Variants in ZFAND6 observed in about 807,000 individuals in gnomAD.
ZFAND6 encodes zinc finger AN1-type containing 6.
ZFAND6 carries 12 observed loss-of-function variants against 24.5 expected under a neutral mutation model. The observed-to-expected ratio is 0.49, with a 90% CI of 0.31 to 0.79. ZFAND6 has a LOEUF of 0.79. Among genes scored for constraint, ZFAND6 ranks in the 30% least tolerant of loss-of-function variants. ZFAND6 has a pLI of 0.04. For synonymous variants in ZFAND6, 92 were observed against 81.5 expected (o/e 1.13, Z -0.69); for missense variants, 207 against 245.9 (o/e 0.84, Z 1.06).
intron 1 of ZFAND6, among the ~76,000 whole-genome samples, chr15:80,069,684 G>A (rs2036863468): frequency 6.6e-6 from 1 of 151,934 alleles, no homozygotes; most frequent in African/African-American, 2.4e-5. Context: ...CCAGGCTGGA[G>A]TGCAATGTCT....
At chr15:80,093,216 C>T (rs1596246994) in intron 1 of ZFAND6, among the ~76,000 whole-genome samples, 2 of 151,792 alleles carry the variant, frequency 1.3e-5, no homozygotes, top group Non-Finnish European at 2.9e-5. Flanking sequence ...CCGCCTGCCT[C>T]GGCCTCCCAA....
At chr15:80,072,085 T>C (rs967425088) in intron 1 of ZFAND6, among the ~76,000 whole-genome samples, 3 of 152,124 alleles carry the variant, frequency 2.0e-5, no homozygotes, top group African/African-American at 7.2e-5. Flanking sequence ...TAGTTTTCTC[T>C]TTAAGTCTTA....
intron 2 of ZFAND6, among the ~76,000 whole-genome samples, chr15:80,107,786 T>C (rs1451490982): frequency 1.4e-5 from 2 of 147,042 alleles, no homozygotes; most frequent in Non-Finnish European, 1.5e-5. Context: ...GCCACTGCAC[T>C]CCAGCCTGGG....
chr15:80,122,715 G>A lies in ZFAND6; in HGVS notation c.279G>A (p.Gln93=). Residue 93 remains glutamine (Q), a synonymous_variant, in exon 5 of 7, where the codon CAG becomes CAA. Transcript: ENST00000261749. ...GCTTTTCTAGCCCTGTATCAAATCA[G>A]TCACTTTTATCAGAATCTGTAGCAT... ...SSMQPSPVSN[Q]SLLSESVASS... is the part of the protein sequence containing the mutation. 6.2e-7 allele frequency: 1 copy of A among 1,613,320 alleles called. No individual in the cohort carries two copies. The highest frequency in any genetic ancestry group is 8.5e-7 in the Non-Finnish European group (1 of 1,179,652).
chr15:80,068,321 A>C (rs767042298), intron 1 of ZFAND6, among the ~76,000 whole-genome samples: 4 of 149,626 alleles, frequency 2.7e-5, no homozygotes, highest in African/African-American at 7.4e-5. Flanking sequence ...AATTTTTAAA[A>C]ATTTTTAAAA....
Position 80,121,254 on chromosome 15 carries a change from A to G in ZFAND6, c.155-458A>G, listed in dbSNP as rs181286601. On this transcript the variant is annotated intron_variant, in intron 3 of 6. Transcript: ENST00000261749. ...CAAAACCTACAACCATTTAACCAAA[A>G]CTCCAAATTTGCTTAAGGCTAAGAT... Among the ~76,000 whole-genome samples, 170 of 152,208 alleles carry G rather than the reference A, an allele frequency of 1.1e-3. 1 individual carries two copies. Among genetic ancestry groups the G allele is most frequent in the Non-Finnish European group, 2.2e-3 (148 of 67,990 alleles).
chr15:80,080,112 T>C (rs986941033), intron 1 of ZFAND6, among the ~76,000 whole-genome samples: 1 of 151,888 alleles, frequency 6.6e-6, no homozygotes, highest in Non-Finnish European at 1.5e-5. Flanking sequence ...AGTTCTCCCG[T>C]CTCAGCCTCC....
At chr15:80,111,410 A>C (rs930262048) in intron 2 of ZFAND6, 2 of 419,144 alleles carry the variant, frequency 4.8e-6, no homozygotes, top group Non-Finnish European at 9.5e-6. Flanking sequence ...ATGAAAAGTC[A>C]GTCTTCCTTA....
intron 2 of ZFAND6, among the ~76,000 whole-genome samples, chr15:80,104,287 T>C (rs1324665490): frequency 6.6e-6 from 1 of 152,216 alleles, no homozygotes; most frequent in Non-Finnish European, 1.5e-5. Context: ...TTTGGGAGGC[T>C]GAGGCAAGTG....
intron 1 of ZFAND6, chr15:80,072,796 C>G (rs1312571674): frequency 6.6e-6 from 1 of 151,940 alleles, no homozygotes; most frequent in Non-Finnish European, 1.5e-5. Context: ...CAAAAGGGCT[C>G]TTTGGACAGG....
At chr15:80,107,743 T>C (rs951006934) in intron 2 of ZFAND6, among the ~76,000 whole-genome samples, 1 of 151,308 alleles carries the variant, frequency 6.6e-6, no homozygotes, top group African/African-American at 2.4e-5. Context: ...CACTTGAACC[T>C]GGGAGGCGGA....
intron 1 of ZFAND6, among the ~76,000 whole-genome samples, chr15:80,071,950 C>T (rs1403414923): frequency 6.6e-6 from 1 of 151,894 alleles, no homozygotes; most frequent in Non-Finnish European, 1.5e-5. Flanking sequence ...AAATATCAAC[C>T]TTTGATGTCA....
At chr15:80,109,198 G>A (rs937512012) in intron 2 of ZFAND6, among the ~76,000 whole-genome samples, 1 of 152,056 alleles carries the variant, frequency 6.6e-6, no homozygotes, top group African/African-American at 2.4e-5. Flanking sequence ...AGGTGGCAGG[G>A]CAGTTTCATT....
At chr15:80,092,353 T>G (rs1471003349) in intron 1 of ZFAND6, among the ~76,000 whole-genome samples, 1 of 149,772 alleles carries the variant, frequency 6.7e-6, no homozygotes, top group South Asian at 2.1e-4. Flanking sequence ...AAAGGATTGC[T>G]TGAGGACGGG....
At chr15:80,086,877 C>T (rs1430484821) in intron 1 of ZFAND6, among the ~76,000 whole-genome samples, 1 of 152,194 alleles carries the variant, frequency 6.6e-6, no homozygotes, top group Non-Finnish European at 1.5e-5. Context: ...GTGAGTTTGA[C>T]CATTCCAAGT....
intron 1 of ZFAND6, among the ~76,000 whole-genome samples, chr15:80,080,021 T>TA (rs1294642741): frequency 2.0e-5 from 3 of 151,114 alleles, no homozygotes; most frequent in African/African-American, 7.3e-5. Context: ...TTCTTTGAGA[T>TA]AGAGTCTTGC....
intron 2 of ZFAND6, among the ~76,000 whole-genome samples, chr15:80,115,372 G>C (rs2039825558): frequency 6.6e-6 from 1 of 152,066 alleles, no homozygotes; most frequent in Non-Finnish European, 1.5e-5. Context: ...AAAGTATCTG[G>C]TAGAGTGATC....
intron 1 of ZFAND6, among the ~76,000 whole-genome samples, chr15:80,065,536 G>GTTTTTTTTT (rs1341209807): frequency 1.5e-4 from 13 of 84,982 alleles, no homozygotes; most frequent in South Asian, 4.0e-4. Flanking sequence ...TTTTGGTTTT[G>GTTTTTTTTT]ATTTTTTTTT....
chr15:80,129,636 A>T (rs1368955555), intron 5 of ZFAND6: 2 of 152,214 alleles, frequency 1.3e-5, no homozygotes, highest in Non-Finnish European at 2.9e-5. Flanking sequence ...AGACACTGGG[A>T]TAGGCACTGA....
Sources: gnomAD v4.1 joint callset for allele counts (sites outside exome capture counted in the v4.1 genomes callset) on GRCh38, gnomAD v4.1.1 for gene constraint, MANE v1.5 for transcripts, NCBI Gene and HGNC (gene_info 2026-07-23, HGNC 2026-07-21) for gene names.